Variants in CCDC144A observed in about 807,000 individuals in gnomAD.
The protein encoded by CCDC144A is coiled-coil domain containing 144A, also known as coiled-coil domain-containing protein 144A.
Under a neutral mutation model 143.8 loss-of-function variants are expected in CCDC144A, and 41 were observed. The ratio of observed to expected loss-of-function variants is 0.29; its 90% confidence interval spans 0.22 to 0.37. The LOEUF is 0.37. CCDC144A is among the 10% of genes least tolerant of loss of function. The pLI is 1.00. For missense variants in CCDC144A, 637 were observed against 1,488.8 expected, an observed-to-expected ratio of 0.43 and a Z score of 9.41; for synonymous variants, 242 against 517.9, an observed-to-expected ratio of 0.47 and a Z score of 7.23.
chr17:16,688,110 A>T (rs1910845472), upstream of CCDC144A, among the ~76,000 whole-genome samples: 1 of 151,704 alleles, frequency 6.6e-6, no homozygotes, highest in Non-Finnish European at 1.5e-5. Flanking sequence ...TCTCACTGAC[A>T]TGTATCAATA....
At chr17:16,670,291 CTT>C in the CCDC144A span, among the ~76,000 whole-genome samples, 527 of 127,806 alleles carry the variant, frequency 4.1e-3, 2 homozygotes, top group African/African-American at 0.014. Flanking sequence ...TTTCTTTTTT[CTT>C]TTTTTTTTTT....
intron 12 of CCDC144A, among the ~76,000 whole-genome samples, chr17:16,750,257 C>G (rs1216148872): frequency 6.6e-6 from 1 of 151,372 alleles, no homozygotes; most frequent in Non-Finnish European, 1.5e-5. Context: ...ATTTAGAACT[C>G]CTTAAGAATC....
chr17:16,675,269 GAA>G, the CCDC144A span, among the ~76,000 whole-genome samples: 7 of 90,020 alleles, frequency 7.8e-5, no homozygotes, highest in Admixed American at 2.5e-4. Context: ...ACTCCATCTT[GAA>G]AAAAAAAAAA....
In CCDC144A at chr17:16,762,778, T is replaced by C. The variant is rs929373700; in HGVS notation, c.3887+245T>C. On this transcript the variant is annotated intron_variant, in intron 14 of 16. Transcript: ENST00000399273. ...GACAGTTCCTGTCTCTCCTGTTTTTTGGTTTTATGTGGCTTCCCCCAACCC... is the reference window on the plus strand; with the variant it reads ...GACAGTTCCTGTCTCTCCTGTTTTTCGGTTTTATGTGGCTTCCCCCAACCC... Among the ~76,000 whole-genome samples, 11 of 152,320 alleles carry C rather than the reference T, an allele frequency of 7.2e-5. 1 individual carries two copies. The East Asian group carries it at 1.7e-3, about 24-fold the overall frequency.
chr17:16,671,420 G>A, the CCDC144A span, among the ~76,000 whole-genome samples: 6 of 152,190 alleles, frequency 3.9e-5, no homozygotes, highest in East Asian at 1.2e-3. Context: ...TGTAAGTTCT[G>A]TGTCCTGCTC....
At chr17:16,691,140 A>C (rs1597524104) in intron 1 of CCDC144A, among the ~76,000 whole-genome samples, 1 of 150,718 alleles carries the variant, frequency 6.6e-6, no homozygotes, top group South Asian at 2.1e-4. Flanking sequence ...ACGAGGTCAG[A>C]AGTTCGAGAC....
chr17:16,753,436 T>TGTTGTTG (rs1281845059), intron 12 of CCDC144A, among the ~76,000 whole-genome samples: 32 of 135,612 alleles, frequency 2.4e-4, no homozygotes, highest in African/African-American at 1.1e-3. Context: ...TAGTTTTTTT[T>TGTTGTTG]TTTTTTTTTT....
chr17:16,759,268 T>G (rs975322826), intron 12 of CCDC144A, among the ~76,000 whole-genome samples: 33 of 152,354 alleles, frequency 2.2e-4, no homozygotes, highest in African/African-American at 7.7e-4. Context: ...GGTTTTCCAT[T>G]TACGATAATT....
Position 16,690,412 on chromosome 17 carries a change from G to A in CCDC144A, c.12G>A (p.Trp4Ter). MAS[W>*]GGEKRGGAEG... ...GTAGCTCGCTACTGATGGCCTCCTG[G>A]GGTGGAGAAAAGCGGGGAGGGGCTG... Residue 4 changes from tryptophan to a stop codon, truncating the protein, a stop_gained, in exon 1 of 17, where the codon TGG (tryptophan) becomes TGA (stop). Transcript: ENST00000399273. LOFTEE classifies it high-confidence loss of function. 6.4e-7 allele frequency: 1 copy of A among 1,574,650 alleles called. No homozygotes were observed. Among genetic ancestry groups the A allele is most frequent in the Non-Finnish European group, 8.6e-7 (1 of 1,159,154 alleles).
intron 12 of CCDC144A, among the ~76,000 whole-genome samples, chr17:16,755,386 A>G (rs1597586843): frequency 1.3e-5 from 2 of 151,104 alleles, no homozygotes; most frequent in African/African-American, 4.9e-5. Context: ...TCTCTTTTTC[A>G]GTTCTGTACC....
At chr17:16,673,225 C>G in the CCDC144A span, among the ~76,000 whole-genome samples, 1 of 151,690 alleles carries the variant, frequency 6.6e-6, no homozygotes, top group Non-Finnish European at 1.5e-5. Flanking sequence ...TAGGGCTGTT[C>G]TCAGACTGTG....
At chr17:16,744,872 A>G (rs1357535453) in intron 12 of CCDC144A, among the ~76,000 whole-genome samples, 1 of 152,190 alleles carries the variant, frequency 6.6e-6, no homozygotes, top group African/African-American at 2.4e-5. Context: ...AGTTATTTAC[A>G]AATAAAGTAT....
intron 2 of CCDC144A, among the ~76,000 whole-genome samples, chr17:16,696,486 T>A (rs1227141501): frequency 6.7e-6 from 1 of 150,306 alleles, no homozygotes; most frequent in East Asian, 1.9e-4. Context: ...CATGAAAAAT[T>A]AGCTGGACGT....
chr17:16,686,002 G>A (rs549739095), upstream of CCDC144A, among the ~76,000 whole-genome samples: 2 of 145,372 alleles, frequency 1.4e-5, no homozygotes, highest in South Asian at 2.2e-4. Context: ...TGCTGGTCTC[G>A]AACTCCTGAC....
the CCDC144A span, chr17:16,683,833 T>A: frequency 1.4e-6 from 2 of 1,400,664 alleles, no homozygotes; most frequent in Non-Finnish European, 2.0e-6. Context: ...AGCCGGCGCC[T>A]CCAGTTAGCA....
the CCDC144A span, among the ~76,000 whole-genome samples, chr17:16,679,097 G>C: frequency 2.1e-5 from 3 of 146,046 alleles, no homozygotes; most frequent in East Asian, 6.1e-4. Context: ...GCGGGGGGGG[G>C]TCTCACTTTG....
the CCDC144A span, among the ~76,000 whole-genome samples, chr17:16,678,589 T>C: frequency 1.6e-3 from 121 of 76,036 alleles, no homozygotes; most frequent in African/African-American, 3.6e-3. Context: ...TCTTTTCTTT[T>C]TTTTTTTTTT....
chr17:16,721,770 A>G (rs1405839196), intron 8 of CCDC144A, among the ~76,000 whole-genome samples: 6 of 151,676 alleles, frequency 4.0e-5, no homozygotes, highest in African/African-American at 1.5e-4. Context: ...GTATGAGACC[A>G]GCCATAGACA....
At position 16,725,878 on chromosome 17, in the gene CCDC144A, G is replaced by A. The variant is rs555618794; in HGVS notation, c.1892-1649G>A. On this transcript the variant is annotated intron_variant, in intron 8 of 16. Transcript: ENST00000399273. ...TTATAGTTTTCTTTACATTTAGAAA[G>A]TTTTGGCCATTCTTTTTTTATTTTT... Among the ~76,000 whole-genome samples, 6 of 150,860 alleles carry A rather than the reference G, an allele frequency of 4.0e-5. No individual in the cohort carries two copies. In the South Asian group the frequency reaches 1.3e-3, roughly 32 times the overall value.
Sources: allele counts gnomAD v4.1 joint callset (sites outside exome capture counted in the v4.1 genomes callset), GRCh38; gene constraint gnomAD v4.1.1; transcripts MANE v1.5; gene names NCBI Gene and HGNC (gene_info 2026-07-23, HGNC 2026-07-21).